The following PSME4 variants were observed in gnomAD, a reference collection of about 807,000 sequenced individuals.
PSME4 encodes the protein proteasome activator subunit 4.
PSME4 carries 89 observed loss-of-function variants against 253.9 expected under a neutral mutation model. The ratio of observed to expected loss-of-function variants is 0.35; its 90% CI spans 0.30 to 0.42. The LOEUF (loss-of-function observed/expected upper bound fraction) is 0.42. Among genes scored for constraint, PSME4 ranks in the 10% least tolerant of loss-of-function variants. The pLI is 1.00. For synonymous variants in PSME4, 851 were observed against 759.2 expected (o/e 1.12, Z -1.99); for missense variants, 2,014 against 2,195.2 (o/e 0.92, Z 1.65).
rs570728757 is a variant in PSME4, at chr2:53,884,145, G to A, written c.4815+1545C>T. ...CATGATGGTCTAGTATTAGTATATC[G>A]TCAATATTAGTATATCCAGGTGAGA... On this transcript the variant is annotated intron_variant, in intron 41 of 46. Coordinates refer to ENST00000404125, the MANE Select transcript of PSME4 (RefSeq NM_014614.3). Among the ~76,000 whole-genome samples the A allele has an allele frequency of 1.3e-3, 204 of 152,176 alleles. 1 individual carries two copies. Among genetic ancestry groups the A allele is most frequent in the Middle Eastern group, 6.8e-3 (2 of 294 alleles).
rs998383065 is a variant in PSME4 at position 53,923,065 on chromosome 2, T to G, written c.1962A>C (p.Ile654=). 14 of 1,598,456 alleles carry G rather than the reference T, an allele frequency of 8.8e-6. No homozygotes were observed. Among genetic ancestry groups the G allele is most frequent in the Admixed American group, 1.7e-5 (1 of 57,760 alleles). ...KLFVPHCCSV[I]TQLTMNDDVL... Reference sequence around the variant, plus strand: ...ATGACTTACTCATTGTAAGCTGAGTTATAACACTGCAGCAGTGGGGAACAA... The same window carrying G: ...ATGACTTACTCATTGTAAGCTGAGTGATAACACTGCAGCAGTGGGGAACAA... Residue 654 remains isoleucine, a synonymous_variant, in exon 16 of 47, where the codon ATA becomes ATC. Coordinates refer to ENST00000404125, the MANE Select transcript of PSME4 (RefSeq NM_014614.3).
intron 21 of PSME4, among the ~76,000 whole-genome samples, chr2:53,909,667 A>G (rs1241540647): frequency 6.6e-6 from 1 of 152,148 alleles, no homozygotes; most frequent in African/African-American, 2.4e-5. Flanking sequence ...ATACAAAACT[A>G]CTTCATTTTA....
At position 53,923,913 on chromosome 2, in the gene PSME4, C is replaced by CAAAAAAA. The variant is rs199929436; in HGVS notation, c.1810-501_1810-495dup. Among the ~76,000 whole-genome samples the CAAAAAAA allele has an allele frequency of 2.7e-4, 26 of 96,876 alleles. 1 individual carries two copies. Among genetic ancestry groups the CAAAAAAA allele is most frequent in the Non-Finnish European group, 4.1e-4 (20 of 49,062 alleles). The allele number at this position is 96,876 out of a possible 152,430, so 63.6% of individuals were successfully genotyped here. A position where few individuals can be genotyped will look rare whatever the true frequency, so the allele number is the denominator to read the frequency against. ...ACTCCAGCCCAGGTGACAGAGTTAA[C>CAAAAAAA]AAAAAAAAAAAAAAAAAAAAAAAAA... On this transcript the variant is annotated intron_variant, in intron 14 of 46. Transcript: ENST00000404125.
In PSME4 at chr2:53,899,893, G is replaced by A; in HGVS notation, c.3410C>T (p.Ala1137Val). The change falls in exon 29 of 47, where the codon GCC becomes GTC. Residue 1137 changes from alanine (A) to valine (V), a missense_variant. Transcript: ENST00000404125. ...ATTCATCAATTACCTTAGGGCATCG[G>A]CATTCTTTTCCTGTTGGCGTTTAAT... The part of the protein sequence containing the change: ...EGIKRQQEKN[A>V]DALRNYENLV... 6.2e-7 allele frequency: 1 copy of A among 1,613,492 alleles called. No individual in the cohort carries two copies. The highest frequency in any genetic ancestry group is 1.1e-5 in the South Asian group (1 of 91,008).
chr2:53,932,566 G>C, intron 9 of PSME4, 102 bp downstream of exon 9: 1 of 960,108 alleles, frequency 1.0e-6, no homozygotes. Flanking sequence ...CTAAAGCTAT[G>C]AAGGACAGAA....
intron 1 of PSME4, among the ~76,000 whole-genome samples, chr2:53,955,711 C>T (rs1018231041): frequency 1.3e-5 from 2 of 152,108 alleles, no homozygotes; most frequent in Admixed American, 6.6e-5. Context: ...TGCTCGAGTC[C>T]AGGAGTTTGA....
At position 53,864,883 on chromosome 2, in the gene PSME4, T is replaced by C. The variant is rs925721770; in HGVS notation, c.*695A>G. On this transcript the variant is annotated 3_prime_UTR_variant, in exon 47 of 47. Transcript: ENST00000404125. ...GTCAGGGTTTTTATTGTTGTTGCTG[T>C]TTATTTTTAAAATCACACATTGAAT... 1.3e-5 allele frequency: 2 copies of C among 152,646 alleles called. No homozygotes were observed. The highest frequency in any genetic ancestry group is 6.5e-5 in the Admixed American group (1 of 15,284). The allele number at this position is 152,646 out of a possible 1,614,324, so 9.5% of individuals were successfully genotyped here. A position where few individuals can be genotyped will look rare whatever the true frequency, so the allele number is the denominator to read the frequency against.
intron 11 of PSME4, 114 bp downstream of exon 11, chr2:53,928,003 T>C (rs1172852467): frequency 2.9e-6 from 2 of 683,090 alleles, no homozygotes; most frequent in South Asian, 2.8e-5. Flanking sequence ...TTATACAACA[T>C]TTATTTTCAT....
chr2:53,935,276 T>C (rs371128552), intron 7 of PSME4, among the ~76,000 whole-genome samples: 84 of 152,290 alleles, frequency 5.5e-4, no homozygotes, highest in African/African-American at 1.4e-3. Flanking sequence ...TCATTACCAA[T>C]AGGTAGCGGC....
At chr2:53,913,828 A>T (rs1667940239) in intron 20 of PSME4, among the ~76,000 whole-genome samples, 1 of 152,190 alleles carries the variant, frequency 6.6e-6, no homozygotes, top group South Asian at 2.1e-4. Context: ...AAATAAATGA[A>T]AACAGTCAGA....
At chr2:53,911,344 C>T (rs1327700856) in intron 20 of PSME4, among the ~76,000 whole-genome samples, 1 of 152,124 alleles carries the variant, frequency 6.6e-6, no homozygotes. Flanking sequence ...CTTTTTCAGA[C>T]TTTCAAGACC....
chr2:53,915,879 TG>T (rs1392285702), intron 20 of PSME4, among the ~76,000 whole-genome samples: 1 of 152,086 alleles, frequency 6.6e-6, no homozygotes, highest in Non-Finnish European at 1.5e-5. Flanking sequence ...GAGACCAGCC[TG>T]GCCAACATGG....
At chr2:53,881,898 T>G (rs925828100) in intron 41 of PSME4, among the ~76,000 whole-genome samples, 15 of 152,152 alleles carry the variant, frequency 9.9e-5, no homozygotes, top group African/African-American at 3.6e-4. Flanking sequence ...GGCAGGATTT[T>G]AAACTAGGAC....
chr2:53,954,250 C>T lies in PSME4; in HGVS notation c.243-4967G>A, dbSNP rs1670130266. 1.3e-5 allele frequency among the ~76,000 whole-genome samples: 2 copies of T among 152,142 alleles called. 1 individual carries two copies. The highest frequency in any genetic ancestry group is 4.2e-4 in the South Asian group (2 of 4,816). ...GTCTGAGGCAGGAGAATCGCTTGAACCCGGGAGGCAGAGGTTGCAGTGAGC... is the reference window on the plus strand; with the variant it reads ...GTCTGAGGCAGGAGAATCGCTTGAATCCGGGAGGCAGAGGTTGCAGTGAGC... On this transcript the variant is annotated intron_variant, in intron 1 of 46. Transcript: ENST00000404125.
intron 1 of PSME4, among the ~76,000 whole-genome samples, chr2:53,969,102 G>A (rs1670893194): frequency 6.6e-6 from 1 of 152,166 alleles, no homozygotes; most frequent in African/African-American, 2.4e-5. Context: ...AAAAACCTAG[G>A]AGTCTCACTT....
intron 1 of PSME4, among the ~76,000 whole-genome samples, chr2:53,956,408 T>A (rs1392852849): frequency 6.6e-6 from 1 of 151,560 alleles, no homozygotes; most frequent in Non-Finnish European, 1.5e-5. Flanking sequence ...TTAGTGCCTA[T>A]AATCCCAGCT....
intron 42 of PSME4, 129 bp downstream of exon 42, chr2:53,875,498 G>A (rs1679077801): frequency 1.1e-6 from 1 of 879,044 alleles, no homozygotes; most frequent in African/African-American, 1.7e-5. Context: ...CAATATATAT[G>A]TCTTCTCTTA....
intron 4 of PSME4, among the ~76,000 whole-genome samples, chr2:53,939,076 T>C (rs1669259733): frequency 6.6e-6 from 1 of 152,222 alleles, no homozygotes; most frequent in South Asian, 2.1e-4. Context: ...CTGCCTCGCA[T>C]AAAATGACAC....
At chr2:53,967,271 T>G (rs532699654) in intron 1 of PSME4, among the ~76,000 whole-genome samples, 10 of 152,212 alleles carry the variant, frequency 6.6e-5, no homozygotes, top group Non-Finnish European at 1.2e-4. Context: ...GGCCAAGTAT[T>G]TAAAAATATA....
Sources: allele counts gnomAD v4.1 joint callset (sites outside exome capture counted in the v4.1 genomes callset), GRCh38; gene constraint gnomAD v4.1.1; transcripts MANE v1.5; gene names NCBI Gene and HGNC (gene_info 2026-07-23, HGNC 2026-07-21).